ETV6: variants seen among roughly 807,000 people sequenced by gnomAD.
The protein encoded by ETV6 is ETS variant transcription factor 6.
ETV6 carries 16 observed loss-of-function variants against 51.1 expected under a neutral mutation model. The ratio of observed to expected loss-of-function variants is 0.31; its 90% CI spans 0.21 to 0.48. The LOEUF (loss-of-function observed/expected upper bound fraction) is 0.48. ETV6 is among the 20% of genes least tolerant of loss of function. The probability of loss-of-function intolerance (pLI) is 0.99; values close to 1 mark genes in which losing one functional copy is unlikely to be tolerated. For synonymous variants in ETV6, 240 were observed against 224.1 expected, an observed-to-expected ratio of 1.07 and a Z score of -0.64; for missense variants, 458 against 594.8, an observed-to-expected ratio of 0.77 and a Z score of 2.39.
intron 3 of ETV6, among the ~76,000 whole-genome samples, chr12:11,847,366 G>A (rs1327186506): frequency 1.3e-5 from 2 of 152,140 alleles, no homozygotes; most frequent in Admixed American, 6.5e-5. Flanking sequence ...ATCACGGAAT[G>A]TGGTTCTGGA....
rs973632760 is a variant in ETV6 at position 11,891,309 on chromosome 12, A to G, written c.*263A>G. 3 of 429,322 alleles carry G rather than the reference A, an allele frequency of 7.0e-6. No individual in the cohort carries two copies. The highest frequency in any genetic ancestry group is 1.3e-5 in the Non-Finnish European group (3 of 237,694). The allele number at this position is 429,322 out of a possible 1,614,324, so 26.6% of individuals were successfully genotyped here. ...TTTCCTTCTGATTTGGAATCTCTCC[A>G]TCTGTAATTCCTCACCCTCACCCTT... is the stretch of plus-strand genomic sequence containing the variant. On this transcript the variant is annotated 3_prime_UTR_variant, in exon 8 of 8. Coordinates refer to ENST00000396373, the MANE Select transcript of ETV6 (RefSeq NM_001987.5).
intron 2 of ETV6, among the ~76,000 whole-genome samples, chr12:11,780,992 A>G (rs1383916603): frequency 6.6e-6 from 1 of 152,230 alleles, no homozygotes; most frequent in Non-Finnish European, 1.5e-5. Flanking sequence ...AGTTACAGGT[A>G]CAAGATGTTA....
At chr12:11,684,148 A>G (rs542136478) in intron 1 of ETV6, among the ~76,000 whole-genome samples, 10 of 152,238 alleles carry the variant, frequency 6.6e-5, no homozygotes, top group Non-Finnish European at 1.5e-4. Flanking sequence ...AATTAATTTT[A>G]CTTAAGATGA....
At chr12:11,783,848 T>TTTTG (rs368507223) in intron 2 of ETV6, among the ~76,000 whole-genome samples, 86 of 152,188 alleles carry the variant, frequency 5.7e-4, no homozygotes, top group African/African-American at 1.6e-3. Context: ...TTGGTTGTTT[T>TTTTG]TTTGTTTGTT....
At position 11,805,366 on chromosome 12, in the gene ETV6, G is replaced by T. The variant is rs73275248; in HGVS notation, c.164-33774G>T. On this transcript the variant is annotated intron_variant, in intron 2 of 7. Coordinates refer to ENST00000396373, the MANE Select transcript of ETV6 (RefSeq NM_001987.5). The stretch of plus-strand genomic sequence containing the variant: ...CCATTGTTTCCTCTCCCATTCTGTT[G>T]TCTTGTGGGTTTGTACCTTTTTTAT... Among the ~76,000 whole-genome samples, 1,277 of 152,284 alleles carry T rather than the reference G, an allele frequency of 8.4e-3. 17 individuals carry two copies. Among genetic ancestry groups the T allele is most frequent in the African/African-American group, 0.029 (1,200 of 41,546 alleles).
chr12:11,767,900 G>T (rs968293003), intron 2 of ETV6, among the ~76,000 whole-genome samples: 1 of 152,120 alleles, frequency 6.6e-6, no homozygotes, highest in Non-Finnish European at 1.5e-5. Flanking sequence ...GTTTTGAGGG[G>T]GTCTCTGAAT....
intron 1 of ETV6, 26 bp from the exon 2 acceptor site, chr12:11,752,424 C>G (rs1866049760): frequency 1.3e-6 from 2 of 1,599,090 alleles, no homozygotes; most frequent in Non-Finnish European, 1.7e-6. Flanking sequence ...CTCCCCCTCC[C>G]CTCTTCCTGC....
At chr12:11,854,006 AT>A (rs1386120148) in intron 4 of ETV6, among the ~76,000 whole-genome samples, 10 of 152,152 alleles carry the variant, frequency 6.6e-5, no homozygotes, top group African/African-American at 2.4e-4. Context: ...TCTGCACTTC[AT>A]TTCTATTATT....
intron 2 of ETV6, among the ~76,000 whole-genome samples, chr12:11,764,082 C>T (rs1166134785): frequency 5.9e-5 from 9 of 152,208 alleles, no homozygotes; most frequent in African/African-American, 1.7e-4. Context: ...TTCCACATAG[C>T]TCCACTTTTA....
intron 5 of ETV6, among the ~76,000 whole-genome samples, chr12:11,878,289 A>G (rs993135920): frequency 3.3e-5 from 5 of 152,206 alleles, no homozygotes; most frequent in Admixed American, 2.0e-4. Flanking sequence ...TAAAAGATAA[A>G]AAAACATCAA....
chr12:11,829,306 A>G (rs535962189), intron 2 of ETV6, among the ~76,000 whole-genome samples: 1 of 152,346 alleles, frequency 6.6e-6, no homozygotes, highest in African/African-American at 2.4e-5. Context: ...TGTACCAGGC[A>G]CTGTGCAACA....
chr12:11,775,881 T>C (rs562279684), intron 2 of ETV6, among the ~76,000 whole-genome samples: 5 of 152,386 alleles, frequency 3.3e-5, no homozygotes, highest in Admixed American at 1.3e-4. Context: ...ATTGCTTCAC[T>C]GTGCTGATCT....
At chr12:11,663,442 A>G (rs757782545) in intron 1 of ETV6, among the ~76,000 whole-genome samples, 10 of 152,208 alleles carry the variant, frequency 6.6e-5, no homozygotes, top group Non-Finnish European at 1.3e-4. Flanking sequence ...CTGTTTGCAT[A>G]TATGCCACAT....
intron 1 of ETV6, among the ~76,000 whole-genome samples, chr12:11,733,176 A>G (rs966871428): frequency 6.6e-6 from 1 of 152,158 alleles, no homozygotes; most frequent in African/African-American, 2.4e-5. Context: ...TGGGAGGCCA[A>G]AGCAGGCGGA....
Position 11,699,261 on chromosome 12 carries a change from A to T in ETV6, c.33+49101A>T, listed in dbSNP as rs1294657730. Among the ~76,000 whole-genome samples the T allele has an allele frequency of 2.6e-5, 4 of 152,216 alleles. No homozygotes were observed. In the East Asian group the frequency reaches 7.7e-4, roughly 29 times the overall value. On this transcript the variant is annotated intron_variant, in intron 1 of 7. Coordinates refer to ENST00000396373, the MANE Select transcript of ETV6 (RefSeq NM_001987.5). The stretch of plus-strand genomic sequence containing the variant: ...TTTAGTGGGGTTTGCATGTATTGAT[A>T]ACAGTTTTGCTGAATACACATCCAA...
intron 2 of ETV6, among the ~76,000 whole-genome samples, chr12:11,763,153 C>T (rs1186268114): frequency 2.0e-5 from 3 of 152,116 alleles, no homozygotes; most frequent in Admixed American, 6.5e-5. Flanking sequence ...GATTCCTTCA[C>T]GCCATTGTTC....
At chr12:11,789,275 G>A (rs1245982065) in intron 2 of ETV6, among the ~76,000 whole-genome samples, 7 of 151,914 alleles carry the variant, frequency 4.6e-5, no homozygotes, top group East Asian at 1.9e-4. Context: ...CTCACGATTC[G>A]CCCGCCTCAG....
intron 2 of ETV6, among the ~76,000 whole-genome samples, chr12:11,774,865 C>T (rs977521263): frequency 3.3e-5 from 5 of 152,246 alleles, no homozygotes; most frequent in Admixed American, 1.3e-4. Flanking sequence ...TTTAGATGTC[C>T]CCCAGGAATT....
At chr12:11,687,469 G>T (rs954853735) in intron 1 of ETV6, among the ~76,000 whole-genome samples, 1 of 151,936 alleles carries the variant, frequency 6.6e-6, no homozygotes. Context: ...GGCGTGACCC[G>T]CACCCAGCGC....
Sources: allele counts gnomAD v4.1 joint callset (sites outside exome capture counted in the v4.1 genomes callset), GRCh38; gene constraint gnomAD v4.1.1; transcripts MANE v1.5; gene names NCBI Gene and HGNC (gene_info 2026-07-23, HGNC 2026-07-21).